MID1: variants seen among roughly 807,000 people sequenced by gnomAD.
The protein encoded by MID1 is E3 ubiquitin-protein ligase Midline-1.
MID1 carries 7 observed loss-of-function variants against 40.4 expected under a neutral mutation model. The ratio of observed to expected loss-of-function variants is 0.17; its 90% CI spans 0.10 to 0.33. The LOEUF is 0.33. Ranked by LOEUF, MID1 falls within the 10% of genes least tolerant of loss-of-function variation. The pLI, the probability that MID1 is intolerant of heterozygous loss-of-function variation, is 1.00. For synonymous variants in MID1, 229 were observed against 221.2 expected, an observed-to-expected ratio of 1.04 and a Z score of -0.31; for missense variants, 367 against 558.5, an observed-to-expected ratio of 0.66 and a Z score of 3.46.
intron 1 of MID1, among the ~76,000 whole-genome samples, chrX:10,706,946 A>G: frequency 1.8e-5 from 2 of 112,072 alleles, no homozygotes; most frequent in Middle Eastern, 4.6e-3. Context: ...TTATAAAGAC[A>G]TAGTGACTCA....
intron 2 of MID1, among the ~76,000 whole-genome samples, chrX:10,562,371 T>TAAAAAAAA (rs760465620): frequency 4.5e-5 from 2 of 44,887 alleles, no homozygotes; most frequent in East Asian, 6.7e-4. Context: ...GAACTTAAAG[T>TAAAAAAAA]AAAAAAAAAA....
chrX:10,768,307 A>T (rs1719713780), intron 1 of MID1, among the ~76,000 whole-genome samples: 1 of 110,635 alleles, frequency 9.0e-6, no homozygotes, highest in Non-Finnish European at 1.9e-5. Flanking sequence ...CTTTCTAAAT[A>T]AAAAAAAAGA....
rs781641214 is a variant in MID1 at position 10,449,726 on chromosome X, C to T, written c.1656-10G>A. 1.7e-6 allele frequency: 2 copies of T among 1,157,497 alleles called. No homozygotes were observed. The highest frequency in any genetic ancestry group is 4.4e-5 in the Admixed American group (2 of 45,788). On this transcript the variant is annotated splice_polypyrimidine_tract_variant and intron_variant, in intron 9 of 9. Coordinates refer to ENST00000317552, the MANE Select transcript of MID1 (RefSeq NM_000381.4). ...AAGACCAATGGCATACCTGCGGAAACAAAACAGCAACAACAAAAACAATGA... is the reference window on the plus strand; with the variant it reads ...AAGACCAATGGCATACCTGCGGAAATAAAACAGCAACAACAAAAACAATGA...
chrX:10,514,486 A>C (rs1932306291), intron 3 of MID1, among the ~76,000 whole-genome samples: 2 of 112,229 alleles, frequency 1.8e-5, no homozygotes, highest in South Asian at 7.5e-4. Flanking sequence ...CACTGAATCC[A>C]AAGGGAGACA....
chrX:10,584,029 TAA>T (rs1272909418), intron 1 of MID1, among the ~76,000 whole-genome samples: 13 of 96,884 alleles, frequency 1.3e-4, no homozygotes, highest in Admixed American at 3.3e-4. Context: ...AGACTCCATC[TAA>T]AAAAAAAAAA....
intron 1 of MID1, among the ~76,000 whole-genome samples, chrX:10,763,615 G>A (rs776781563): frequency 0.012 from 1,338 of 111,314 alleles, 12 homozygotes; most frequent in African/African-American, 0.04. Flanking sequence ...GAATAGTGCC[G>A]CAATAAACAT....
intron 1 of MID1, among the ~76,000 whole-genome samples, chrX:10,607,605 T>C (rs984620595): frequency 8.9e-6 from 1 of 112,709 alleles, no homozygotes; most frequent in Non-Finnish European, 1.9e-5. Context: ...CATCTACATG[T>C]ATATTGACAA....
At chrX:10,584,675 T>C (rs1935097029) in intron 1 of MID1, among the ~76,000 whole-genome samples, 1 of 112,634 alleles carries the variant, frequency 8.9e-6, no homozygotes, top group Non-Finnish European at 1.9e-5. Context: ...TCAAAAAGCA[T>C]CTCAAAATAA....
At chrX:10,787,392 T>C (rs1055929699) in intron 1 of MID1, among the ~76,000 whole-genome samples, 5 of 108,719 alleles carry the variant, frequency 4.6e-5, no homozygotes, top group African/African-American at 1.7e-4. Flanking sequence ...AATTTGAATA[T>C]TGTATAATAA....
At chrX:10,495,193 GATTC>G (rs1931181192) in intron 4 of MID1, among the ~76,000 whole-genome samples, 1 of 111,735 alleles carries the variant, frequency 8.9e-6, no homozygotes, top group South Asian at 3.7e-4. Flanking sequence ...AATAAAGTCA[GATTC>G]ATTTTTAATT....
intron 1 of MID1, among the ~76,000 whole-genome samples, chrX:10,603,489 T>C (rs1039870932): frequency 2.7e-5 from 3 of 111,935 alleles, no homozygotes; most frequent in Admixed American, 9.5e-5. Context: ...TCTAATCTGG[T>C]GAGTCTCTCT....
upstream of MID1, among the ~76,000 whole-genome samples, chrX:10,625,234 C>A (rs1207472382): frequency 9.0e-6 from 1 of 111,322 alleles, no homozygotes; most frequent in African/African-American, 3.3e-5. Context: ...AGGGAAACCT[C>A]GATTTTGCTG....
At chrX:10,715,202 G>A (rs751171176) in intron 1 of MID1, among the ~76,000 whole-genome samples, 4 of 112,101 alleles carry the variant, frequency 3.6e-5, no homozygotes, top group Non-Finnish European at 7.5e-5. Context: ...GTGGGTGCAG[G>A]ACAGTGGGTG....
At chrX:10,827,455 C>T (rs977712902) in intron 1 of MID1, among the ~76,000 whole-genome samples, 1 of 91,045 alleles carries the variant, frequency 1.1e-5, no homozygotes, top group African/African-American at 4.2e-5. Flanking sequence ...CCGTCCCCCC[C>T]ACCCCGCCCA....
At chrX:10,814,383 A>C (rs1025997091) in intron 1 of MID1, among the ~76,000 whole-genome samples, 3 of 111,575 alleles carry the variant, frequency 2.7e-5, no homozygotes, top group Non-Finnish European at 5.6e-5. Flanking sequence ...CAGTAAACAA[A>C]ATTCCTTATT....
chrX:10,622,890 C>T (rs1263972770), upstream of MID1, among the ~76,000 whole-genome samples: 1 of 110,578 alleles, frequency 9.0e-6, no homozygotes, highest in Non-Finnish European at 1.9e-5. Flanking sequence ...GTTTAAAATT[C>T]TGAATGAAAT....
At chrX:10,486,545 T>C (rs922918807) in intron 4 of MID1, among the ~76,000 whole-genome samples, 1 of 111,587 alleles carries the variant, frequency 9.0e-6, no homozygotes, top group African/African-American at 3.3e-5. Context: ...TCTGACACAA[T>C]ATGCCCTGGC....
At chrX:10,644,582 G>A (rs1936242222) in intron 1 of MID1, among the ~76,000 whole-genome samples, 1 of 111,406 alleles carries the variant, frequency 9.0e-6, no homozygotes, top group African/African-American at 3.3e-5. Context: ...GGCAGTTGAT[G>A]TGCTGATGGC....
intron 9 of MID1, among the ~76,000 whole-genome samples, chrX:10,452,402 G>T (rs1928398958): frequency 8.9e-6 from 1 of 112,068 alleles, no homozygotes; most frequent in African/African-American, 3.2e-5. Context: ...GTGAAACTAG[G>T]TACATATTTC....
Sources: allele counts gnomAD v4.1 joint callset (sites outside exome capture counted in the v4.1 genomes callset), GRCh38; gene constraint gnomAD v4.1.1; transcripts MANE v1.5; gene names NCBI Gene and HGNC (gene_info 2026-07-23, HGNC 2026-07-21).